MTREX: variants seen among roughly 807,000 people sequenced by gnomAD.
MTREX encodes exosome RNA helicase MTR4.
In MTREX, 76 loss-of-function variants were observed where a neutral mutation model predicts 135.4. The ratio of observed to expected loss-of-function variants is 0.56; its 90% CI spans 0.47 to 0.68. MTREX has a LOEUF of 0.68. MTREX is among the 30% of genes least tolerant of loss of function. MTREX has a pLI of 0.00. For synonymous variants in MTREX, 404 were observed against 401.6 expected, an observed-to-expected ratio of 1.01 and a Z score of -0.07; for missense variants, 920 against 1,262.1, an observed-to-expected ratio of 0.73 and a Z score of 4.11.
rs751185459 is a variant in MTREX at position 55,347,050 on chromosome 5, G to A, written c.1146G>A (p.Met382Ile). Residue 382 changes from methionine (M) to isoleucine (I), a missense_variant, in exon 11 of 27, where the codon ATG (methionine) becomes ATA (isoleucine). Around this residue, in one of 6 missense-constraint regions of MTREX, gnomAD observed 101 missense variants for 119.1 expected, o/e 0.85. Coordinates refer to ENST00000230640, the MANE Select transcript of MTREX (RefSeq NM_015360.5). Reference sequence around the variant, plus strand: ...TTTTCAAAATTGTGAAGATGATTATGGAAAGAAATTTCCAACCTGTGATTA... The same window carrying A: ...TTTTCAAAATTGTGAAGATGATTATAGAAAGAAATTTCCAACCTGTGATTA... ...SNVFKIVKMI[M>I]ERNFQPVIIF... is the part of the protein sequence containing the mutation. 6.2e-7 allele frequency: 1 copy of A among 1,610,152 alleles called. No homozygotes were observed. Among genetic ancestry groups the A allele is most frequent in the Middle Eastern group, 1.7e-4 (1 of 6,046 alleles).
chr5:55,422,981 A>T lies in MTREX; in HGVS notation c.3075A>T (p.Glu1025Asp), dbSNP rs1751078257. ...GNTELENKFAEGITKIKRDIV... is the reference protein window; with the variant it reads ...GNTELENKFADGITKIKRDIV... ...CTGAGCTGGAAAATAAATTTGCAGA[A>T]GGTCAGTATCAAATGGATAAGCTGT... is the stretch of plus-strand genomic sequence containing the variant. Residue 1025 changes from glutamate (E) to aspartate (D), a missense_variant and splice_region_variant, in exon 26 of 27, where the codon GAA (glutamate) becomes GAT (aspartate). Physicochemically the swap from Glu to Asp is conservative, Grantham distance 45 (BLOSUM62 2). This residue lies in a region of MTREX where 467 missense variants were observed against 589.7 expected (regional missense o/e 0.79). Transcript: ENST00000230640. 4 of 1,611,728 alleles carry T rather than the reference A, an allele frequency of 2.5e-6. No homozygotes were observed. The highest frequency in any genetic ancestry group is 3.4e-6 in the Non-Finnish European group (4 of 1,178,202).
At chr5:55,393,382 A>C (rs1039205789) in intron 19 of MTREX, among the ~76,000 whole-genome samples, 1 of 152,218 alleles carries the variant, frequency 6.6e-6, no homozygotes, top group Non-Finnish European at 1.5e-5. Context: ...TTTAATTGCA[A>C]ATTAATCAAT....
intron 25 of MTREX, among the ~76,000 whole-genome samples, chr5:55,421,135 C>G (rs1224512026): frequency 6.6e-6 from 1 of 152,156 alleles, no homozygotes; most frequent in Non-Finnish European, 1.5e-5. Flanking sequence ...TATGATGGGT[C>G]ATGGCTTTGA....
chr5:55,375,825 A>T (rs1246060617), intron 16 of MTREX, among the ~76,000 whole-genome samples: 2 of 152,136 alleles, frequency 1.3e-5, no homozygotes, highest in Non-Finnish European at 2.9e-5. Flanking sequence ...GAACTAATAA[A>T]TGTCCATGAA....
Position 55,369,141 on chromosome 5 carries a change from AAAT to A in MTREX, c.1810+2272_1810+2274del, listed in dbSNP as rs1475635761. Among the ~76,000 whole-genome samples, 4 of 151,876 alleles carry A rather than the reference AAAT, an allele frequency of 2.6e-5. No homozygotes were observed. The East Asian group carries it at 5.8e-4, about 22-fold the overall frequency. On this transcript the variant is annotated intron_variant, in intron 16 of 26. Transcript: ENST00000230640. ...TTTTATTTTATTTTATTAAAAATAA[AAAT>A]AATAAAGATGAACAAGGTTTAAATA...
intron 23 of MTREX, among the ~76,000 whole-genome samples, chr5:55,412,008 C>A (rs568568782): frequency 6.6e-6 from 1 of 152,108 alleles, no homozygotes; most frequent in South Asian, 2.1e-4. Flanking sequence ...CAATTATATT[C>A]CCTCTTCAAA....
chr5:55,392,407 A>G (rs1750583705), intron 19 of MTREX, among the ~76,000 whole-genome samples: 1 of 152,004 alleles, frequency 6.6e-6, no homozygotes, highest in Non-Finnish European at 1.5e-5. Flanking sequence ...AGCTGGCATG[A>G]TGGTGTGCGC....
intron 19 of MTREX, among the ~76,000 whole-genome samples, chr5:55,395,946 C>T (rs920009694): frequency 2.0e-5 from 3 of 152,090 alleles, no homozygotes; most frequent in African/African-American, 7.2e-5. Context: ...GTATAAAAGA[C>T]ATTATTGTGA....
intron 2 of MTREX, among the ~76,000 whole-genome samples, chr5:55,323,495 C>T (rs1749321673): frequency 1.3e-5 from 2 of 152,024 alleles, no homozygotes; most frequent in African/African-American, 2.4e-5. Context: ...GATCACAGCT[C>T]ACTGCCATCT....
In MTREX at chr5:55,424,891, A is replaced by AAATC. The variant is rs1751126720; in HGVS notation, c.*122_*125dup. 1 of 701,170 alleles carries AAATC rather than the reference A, an allele frequency of 1.4e-6. No individual in the cohort carries two copies. Among genetic ancestry groups the AAATC allele is most frequent in the Non-Finnish European group, 2.4e-6 (1 of 413,456 alleles). The allele number at this position is 701,170 out of a possible 1,614,324, so 43.4% of individuals were successfully genotyped here. On this transcript the variant is annotated 3_prime_UTR_variant, in exon 27 of 27. Coordinates refer to ENST00000230640, the MANE Select transcript of MTREX (RefSeq NM_015360.5). ...ATACATTTTAATATGTATTATATTT[A>AAATC]AATCAAACATCATTCATAGAAAGCA...
rs1014502305 is a variant in MTREX, at chr5:55,425,119, C to G, written c.*347C>G. The G allele has an allele frequency of 6.7e-7, 1 of 1,488,432 alleles. No homozygotes were observed. The highest frequency in any genetic ancestry group is 9.1e-7 in the Non-Finnish European group (1 of 1,103,582). 92.2% of individuals were successfully genotyped at this position (1,488,432 alleles called of 1,614,324 possible). A position where few individuals can be genotyped will look rare whatever the true frequency, so the allele number is the denominator to read the frequency against. ...GCAGAAGTCTTTAAAGGCTTGTACA[C>G]CAGGAAGAAAGATGCATCCTCTTGC... On this transcript the variant is annotated 3_prime_UTR_variant, in exon 27 of 27. Transcript: ENST00000230640.
intron 19 of MTREX, among the ~76,000 whole-genome samples, chr5:55,388,313 A>T (rs576483795): frequency 6.6e-6 from 1 of 152,298 alleles, no homozygotes; most frequent in South Asian, 2.1e-4. Flanking sequence ...ATCAAATTAC[A>T]ACAAGATAAA....
intron 19 of MTREX, among the ~76,000 whole-genome samples, chr5:55,395,203 C>T (rs1332156627): frequency 6.6e-6 from 1 of 151,634 alleles, no homozygotes; most frequent in Non-Finnish European, 1.5e-5. Context: ...GTCAGGAGTT[C>T]GAGACCAGCC....
At chr5:55,320,037 A>G (rs1749262492) in intron 1 of MTREX, among the ~76,000 whole-genome samples, 1 of 152,220 alleles carries the variant, frequency 6.6e-6, no homozygotes, top group Admixed American at 6.5e-5. Context: ...TGACCTGTCC[A>G]GAAGAGGTTC....
intron 8 of MTREX, among the ~76,000 whole-genome samples, chr5:55,343,880 T>C (rs559580399): frequency 1.3e-5 from 2 of 152,334 alleles, no homozygotes; most frequent in Non-Finnish European, 2.9e-5. Flanking sequence ...GACTTTTTAC[T>C]GACTTTCTGT....
intron 20 of MTREX, among the ~76,000 whole-genome samples, chr5:55,399,270 C>T (rs1750687902): frequency 6.6e-6 from 1 of 152,120 alleles, no homozygotes. Context: ...GAACCCTTTA[C>T]ATTTGTTTGT....
At position 55,425,539 on chromosome 5, in the gene MTREX, TAGC is replaced by T; in HGVS notation, c.*768_*770del. On this transcript the variant is annotated 3_prime_UTR_variant, in exon 27 of 27. Coordinates refer to ENST00000230640, the MANE Select transcript of MTREX (RefSeq NM_015360.5). Reference sequence around the variant, plus strand: ...GTTGCTTTGTTATGCCTTCAGCAAATAGCTTCATTTTGCCAATACTGAATAAAA... The same window carrying T: ...GTTGCTTTGTTATGCCTTCAGCAAATTTCATTTTGCCAATACTGAATAAAA... 4.0e-6 allele frequency: 2 copies of T among 501,892 alleles called. No individual in the cohort carries two copies. The highest frequency in any genetic ancestry group is 6.6e-6 in the Non-Finnish European group (2 of 301,000). 31.1% of individuals were successfully genotyped at this position (501,892 alleles called of 1,614,324 possible). A position where few individuals can be genotyped will look rare whatever the true frequency, so the allele number is the denominator to read the frequency against.
At chr5:55,396,534 T>A (rs1346785510) in intron 19 of MTREX, among the ~76,000 whole-genome samples, 1 of 152,142 alleles carries the variant, frequency 6.6e-6, no homozygotes, top group Non-Finnish European at 1.5e-5. Flanking sequence ...CCAAAAACTT[T>A]AACTAGAAAG....
intron 19 of MTREX, among the ~76,000 whole-genome samples, chr5:55,388,908 A>G (rs906975906): frequency 1.3e-5 from 2 of 152,178 alleles, no homozygotes; most frequent in Admixed American, 6.5e-5. Context: ...GATATTTGTT[A>G]TTATAAGCAT....
Sources: gnomAD v4.1 joint callset for allele counts (sites outside exome capture counted in the v4.1 genomes callset) on GRCh38, gnomAD v4.1.1 for gene constraint, gnomAD v4.1.1 regional missense constraint, MANE v1.5 for transcripts, NCBI Gene and HGNC (gene_info 2026-07-23, HGNC 2026-07-21) for gene names.